The following PELI2 variants were observed in gnomAD, a reference collection of about 807,000 sequenced individuals.
PELI2 encodes the protein pellino E3 ubiquitin protein ligase family member 2.
A neutral mutation model predicts 42.3 loss-of-function variants in PELI2; 23 were observed. The ratio of observed to expected loss-of-function variants is 0.54; its 90% CI spans 0.39 to 0.77. The LOEUF is 0.77. Among genes scored for constraint, PELI2 ranks in the 30% least tolerant of loss-of-function variants. PELI2 has a pLI of 0.00. For synonymous variants in PELI2, 245 were observed against 212.2 expected, an observed-to-expected ratio of 1.15 and a Z score of -1.34; for missense variants, 463 against 553.2, an observed-to-expected ratio of 0.84 and a Z score of 1.64.
At chr14:56,144,959 G>A (rs1018529226) in intron 1 of PELI2, 108 of 983,878 alleles carry the variant, frequency 1.1e-4, no homozygotes, top group Non-Finnish European at 1.3e-4. Context: ...GAAGAGGGAT[G>A]TGGAAGACCC....
intron 2 of PELI2, among the ~76,000 whole-genome samples, chr14:56,201,668 G>A (rs1886337410): frequency 6.6e-6 from 1 of 152,160 alleles, no homozygotes; most frequent in Non-Finnish European, 1.5e-5. Flanking sequence ...ATGGTGAACT[G>A]CTAAATGTCT....
At chr14:56,252,084 ATTTG>A (rs943403171) in intron 2 of PELI2, among the ~76,000 whole-genome samples, 7 of 152,210 alleles carry the variant, frequency 4.6e-5, no homozygotes, top group Non-Finnish European at 7.3e-5. Context: ...TGCTTCAATA[ATTTG>A]TTTGTTCAGC....
At chr14:56,134,764 T>A (rs1005333791) in intron 1 of PELI2, among the ~76,000 whole-genome samples, 1 of 151,016 alleles carries the variant, frequency 6.6e-6, no homozygotes, top group Non-Finnish European at 1.5e-5. Context: ...ACCAGTAATC[T>A]TGTCAGTAAA....
At position 56,118,500 on chromosome 14, in the gene PELI2, A is replaced by G. The variant is rs1193410429; in HGVS notation, c.-161A>G. The G allele has an allele frequency of 5.4e-6, 2 of 372,566 alleles. No homozygotes were observed. The highest frequency in any genetic ancestry group is 9.3e-6 in the Non-Finnish European group (2 of 215,306). The allele number at this position is 372,566 out of a possible 1,614,324, so 23.1% of individuals were successfully genotyped here. On this transcript the variant is annotated 5_prime_UTR_variant, in exon 1 of 6. Transcript: ENST00000267460. ...AGCAGCCGCGCAGCCACGACGGAGC[A>G]GCAGCGGGACTGGCCGCCCCGCGCC... is the stretch of plus-strand genomic sequence containing the variant.
In PELI2 at chr14:56,202,157, T is replaced by TTTG. The variant is rs578087570; in HGVS notation, c.207+23711_207+23713dup. ...TATCCATCTGGGGCCATAGAAGGTATTTGTTGTTGTTGTTGTTGTTAAAAA... is the reference window on the plus strand; with the variant it reads ...TATCCATCTGGGGCCATAGAAGGTATTTGTTGTTGTTGTTGTTGTTGTTAAAAA... On this transcript the variant is annotated intron_variant, in intron 2 of 5. Transcript: ENST00000267460. Among the ~76,000 whole-genome samples, 293 of 152,198 alleles carry TTTG rather than the reference T, an allele frequency of 1.9e-3. 2 individuals are homozygous for TTTG. The highest frequency in any genetic ancestry group is 6.0e-3 in the African/African-American group (248 of 41,518).
chr14:56,218,582 A>G (rs563806734), intron 2 of PELI2, among the ~76,000 whole-genome samples: 1 of 152,312 alleles, frequency 6.6e-6, no homozygotes, highest in African/African-American at 2.4e-5. Context: ...TCCACCTCCC[A>G]GATGTTTTCC....
chr14:56,173,708 C>CG (rs1172116969), intron 1 of PELI2, among the ~76,000 whole-genome samples: 1 of 152,298 alleles, frequency 6.6e-6, no homozygotes, highest in Non-Finnish European at 1.5e-5. Context: ...CTTGTGGTTG[C>CG]ATCACCCCAG....
At chr14:56,261,946 A>G (rs531538456) in intron 2 of PELI2, among the ~76,000 whole-genome samples, 1 of 152,338 alleles carries the variant, frequency 6.6e-6, no homozygotes, top group South Asian at 2.1e-4. Flanking sequence ...TCTGTCCCCC[A>G]TAAATAAGAC....
chr14:56,241,682 G>A (rs1368014716), intron 2 of PELI2, among the ~76,000 whole-genome samples: 1 of 152,120 alleles, frequency 6.6e-6, no homozygotes, highest in Non-Finnish European at 1.5e-5. Flanking sequence ...CAGGGATAAA[G>A]GGGAGATAGT....
intron 2 of PELI2, among the ~76,000 whole-genome samples, chr14:56,205,004 TGGGC>T (rs1426683149): frequency 7.7e-6 from 1 of 130,368 alleles, no homozygotes; most frequent in Non-Finnish European, 1.6e-5. Context: ...CACCGCAGCC[TGGGC>T]GACAGAGCGA....
At chr14:56,247,191 G>A (rs1008759126) in intron 2 of PELI2, among the ~76,000 whole-genome samples, 3 of 152,124 alleles carry the variant, frequency 2.0e-5, no homozygotes, top group African/African-American at 7.2e-5. Flanking sequence ...ATACACACAC[G>A]GAATTCTTTC....
chr14:56,218,557 C>T (rs1886995736), intron 2 of PELI2, among the ~76,000 whole-genome samples: 1 of 152,236 alleles, frequency 6.6e-6, no homozygotes, highest in Non-Finnish European at 1.5e-5. Context: ...AGGTTAATTT[C>T]TTCCTGCTTA....
In PELI2 at chr14:56,158,317, C is replaced by T. The variant is rs143509884; in HGVS notation, c.78-20018C>T. On this transcript the variant is annotated intron_variant, in intron 1 of 5. Coordinates refer to ENST00000267460, the MANE Select transcript of PELI2 (RefSeq NM_021255.3). The stretch of plus-strand genomic sequence containing the variant: ...TGCTAGGATTACAGGTGTGAGCTGC[C>T]GTGCCTGCCCAAGATTCTTATTTTA... Among the ~76,000 whole-genome samples, 44 of 151,864 alleles carry T rather than the reference C, an allele frequency of 2.9e-4. No homozygotes were observed. In the East Asian group the frequency reaches 6.6e-3, roughly 23 times the overall value.
At chr14:56,256,952 C>T (rs1305023077) in intron 2 of PELI2, among the ~76,000 whole-genome samples, 2 of 152,124 alleles carry the variant, frequency 1.3e-5, no homozygotes, top group Admixed American at 6.6e-5. Context: ...CCTGCCTTAT[C>T]GCATATTATT....
chr14:56,290,260 C>G lies in PELI2; in HGVS notation c.508-8C>G. 6.4e-7 allele frequency: 1 copy of G among 1,557,034 alleles called. No individual in the cohort carries two copies. The highest frequency in any genetic ancestry group is 8.7e-7 in the Non-Finnish European group (1 of 1,144,906). ...CCTACTTTTTCTGTTCTGCTGTGTT[C>G]TCTCCAGGAAAAGGCAGCAAAGTGG... On this transcript the variant is annotated splice_polypyrimidine_tract_variant and splice_region_variant and intron_variant, in intron 4 of 5. Coordinates refer to ENST00000267460, the MANE Select transcript of PELI2 (RefSeq NM_021255.3).
At chr14:56,137,210 T>G (rs1566600491) in intron 1 of PELI2, among the ~76,000 whole-genome samples, 1 of 151,802 alleles carries the variant, frequency 6.6e-6, no homozygotes, top group Non-Finnish European at 1.5e-5. Context: ...CTTTTTTTTT[T>G]GTCTTAGAAG....
In PELI2 at chr14:56,180,868, T is replaced by C. The variant is rs1441914606; in HGVS notation, c.207+2404T>C. Among the ~76,000 whole-genome samples the C allele has an allele frequency of 6.6e-6, 1 of 152,174 alleles. No individual in the cohort carries two copies. The highest frequency in any genetic ancestry group is 1.5e-5 in the Non-Finnish European group (1 of 68,030). ...CCAGCCAGTTGTGAACTCAGCCCTT[T>C]ACATATTTAACCTTTTCTTCAGATA... On this transcript the variant is annotated intron_variant, in intron 2 of 5. Coordinates refer to ENST00000267460, the MANE Select transcript of PELI2 (RefSeq NM_021255.3). The surrounding 1 kb of genome is among the most constrained non-coding windows in gnomAD (Gnocchi z 4.4).
At chr14:56,290,050 T>G (rs1889776783) in intron 4 of PELI2, among the ~76,000 whole-genome samples, 1 of 152,170 alleles carries the variant, frequency 6.6e-6, no homozygotes, top group Non-Finnish European at 1.5e-5. Context: ...AACTATGATG[T>G]GTGTCCAGTG....
intron 2 of PELI2, among the ~76,000 whole-genome samples, chr14:56,254,140 C>T (rs955782569): frequency 6.6e-6 from 1 of 152,196 alleles, no homozygotes; most frequent in Non-Finnish European, 1.5e-5. Context: ...GTGGCTCACG[C>T]CTGTAATCCC....
Sources: gnomAD v4.1 joint callset for allele counts (sites outside exome capture counted in the v4.1 genomes callset) on GRCh38, gnomAD v4.1.1 for gene constraint, Gnocchi (gnomAD v3.1) non-coding constraint, MANE v1.5 for transcripts, NCBI Gene and HGNC (gene_info 2026-07-23, HGNC 2026-07-21) for gene names.